Variants in ABCB5 observed in about 807,000 individuals in gnomAD.
ABCB5 encodes ATP-binding cassette sub-family B member 5.
In ABCB5, 155 loss-of-function variants were observed where a neutral mutation model predicts 144.2. The ratio of observed to expected loss-of-function variants is 1.08; its 90% CI spans 0.94 to 1.23. The LOEUF is 1.23. ABCB5 is among the 50% of genes most tolerant of loss of function. The pLI is 0.00. For synonymous variants in ABCB5, 610 were observed against 528.6 expected, an observed-to-expected ratio of 1.15 and a Z score of -2.11; for missense variants, 1,830 against 1,520.8, an observed-to-expected ratio of 1.20 and a Z score of -3.38.
intron 13 of ABCB5, among the ~76,000 whole-genome samples, chr7:20,653,435 C>T (rs977925960): frequency 6.6e-6 from 1 of 152,104 alleles, no homozygotes; most frequent in Admixed American, 6.5e-5. Context: ...ACATTACTTC[C>T]CTTATAATAT....
intron 16 of ABCB5, among the ~76,000 whole-genome samples, chr7:20,694,756 T>C (rs1271823601): frequency 2.0e-5 from 3 of 152,026 alleles, no homozygotes; most frequent in Non-Finnish European, 4.4e-5. Flanking sequence ...GGTTGTAGAA[T>C]ATGTGACAAT....
intron 26 of ABCB5, among the ~76,000 whole-genome samples, chr7:20,747,813 C>A (rs190366156): frequency 6.6e-6 from 1 of 152,120 alleles, no homozygotes; most frequent in African/African-American, 2.4e-5. Flanking sequence ...AAACCTGATA[C>A]CAAAATAAAA....
chr7:20,621,506 G>T (rs958538357), intron 1 of ABCB5, among the ~76,000 whole-genome samples: 8 of 152,070 alleles, frequency 5.3e-5, no homozygotes, highest in African/African-American at 1.2e-4. Flanking sequence ...CTACGGTCTA[G>T]AGTAAAGAAT....
intron 1 of ABCB5, among the ~76,000 whole-genome samples, chr7:20,622,360 T>C (rs902565679): frequency 4.6e-5 from 7 of 152,172 alleles, no homozygotes; most frequent in Non-Finnish European, 7.4e-5. Context: ...GTATGACCAT[T>C]TACTTCTGTA....
intron 10 of ABCB5, 32 bp downstream of exon 10, chr7:20,647,680 A>G (rs1784450960): frequency 9.7e-6 from 15 of 1,541,952 alleles, no homozygotes; most frequent in Non-Finnish European, 1.2e-5. Flanking sequence ...AAGAATAACT[A>G]TCATTACTGC....
At chr7:20,652,753 T>C (rs1026526713) in intron 13 of ABCB5, among the ~76,000 whole-genome samples, 1 of 152,212 alleles carries the variant, frequency 6.6e-6, no homozygotes, top group Non-Finnish European at 1.5e-5. Context: ...TATTAGATCC[T>C]CAGCATCCCC....
At position 20,623,248 on chromosome 7, in the gene ABCB5, T is replaced by C. The variant is rs1431599269; in HGVS notation, c.-21-17T>C. 23 of 1,399,282 alleles carry C rather than the reference T, an allele frequency of 1.6e-5. No homozygotes were observed. The highest frequency in any genetic ancestry group is 2.2e-5 in the Non-Finnish European group (22 of 1,009,374). 86.7% of individuals were successfully genotyped at this position (1,399,282 alleles called of 1,614,324 possible). On this transcript the variant is annotated splice_polypyrimidine_tract_variant and intron_variant, in intron 1 of 27. Transcript: ENST00000404938. ...AAGTCACATAGCCATAATACATTTG[T>C]TAAAATTGTATTTCAGAAGAAGTAA...
chr7:20,643,633 G>T lies in ABCB5; in HGVS notation c.678+1G>T. The T allele has an allele frequency of 1.9e-6, 3 of 1,613,730 alleles. No homozygotes were observed. Among genetic ancestry groups the T allele is most frequent in the South Asian group, 1.1e-5 (1 of 91,074 alleles). The stretch of plus-strand genomic sequence containing the variant: ...GGCTTCAGCGGCAGCATGTTCTAGG[G>T]TAAGTGAGATGGCTAATGCAATATT... On this transcript the variant is annotated splice_donor_variant, in intron 7 of 27. Coordinates refer to ENST00000404938, the MANE Select transcript of ABCB5 (RefSeq NM_001163941.2). LOFTEE classifies it high-confidence loss of function.
chr7:20,692,786 G>C (rs148150331), intron 16 of ABCB5, among the ~76,000 whole-genome samples: 1 of 152,046 alleles, frequency 6.6e-6, no homozygotes, highest in African/African-American at 2.4e-5. Flanking sequence ...ATTGTCTGAA[G>C]GTAGATTGTG....
intron 11 of ABCB5, among the ~76,000 whole-genome samples, chr7:20,648,525 C>T (rs958688200): frequency 1.9e-4 from 29 of 152,220 alleles, no homozygotes; most frequent in East Asian, 1.9e-4. Context: ...TTTACACACA[C>T]GCACACACAC....
intron 19 of ABCB5, among the ~76,000 whole-genome samples, chr7:20,704,514 G>A (rs1786751774): frequency 6.6e-6 from 1 of 152,222 alleles, no homozygotes; most frequent in Non-Finnish European, 1.5e-5. Context: ...ATGAGTCCAA[G>A]CTCTTGGGCT....
chr7:20,643,672 A>T (rs1351527876), intron 7 of ABCB5, 40 bp downstream of exon 7: 1 of 1,604,624 alleles, frequency 6.2e-7, no homozygotes, highest in East Asian at 2.2e-5. Context: ...TGGAAGCAGC[A>T]GTGTGGACTA....
intron 14 of ABCB5, among the ~76,000 whole-genome samples, chr7:20,676,265 T>G (rs1785604260): frequency 6.7e-6 from 1 of 149,718 alleles, no homozygotes; most frequent in Non-Finnish European, 1.5e-5. Flanking sequence ...TCAAAAGAAC[T>G]GAAGTCAGTA....
intron 16 of ABCB5, among the ~76,000 whole-genome samples, chr7:20,686,817 C>T (rs908780622): frequency 6.6e-6 from 1 of 152,114 alleles, no homozygotes; most frequent in Non-Finnish European, 1.5e-5. Flanking sequence ...ATTGAATCTC[C>T]TCTTAGCCCG....
At chr7:20,643,703 CA>C in intron 7 of ABCB5, 71 bp downstream of exon 7, 1 of 1,540,030 alleles carries the variant, frequency 6.5e-7, no homozygotes, top group Middle Eastern at 1.9e-4. Context: ...TGAGTTTGTT[CA>C]AAAATGGCTT....
chr7:20,724,569 C>G (rs1781975459), intron 21 of ABCB5, among the ~76,000 whole-genome samples: 1 of 140,864 alleles, frequency 7.1e-6, no homozygotes. Context: ...GTGGAGGTTG[C>G]AGTGAGCTGA....
chr7:20,721,368 A>G (rs1276537252), intron 20 of ABCB5, among the ~76,000 whole-genome samples: 1 of 152,184 alleles, frequency 6.6e-6, no homozygotes, highest in Non-Finnish European at 1.5e-5. Flanking sequence ...ATCTCTTTGC[A>G]TTGTTATGAG....
chr7:20,658,281 T>C (rs1385936533), intron 13 of ABCB5, among the ~76,000 whole-genome samples: 1 of 152,044 alleles, frequency 6.6e-6, no homozygotes, highest in Non-Finnish European at 1.5e-5. Flanking sequence ...GTCTAATTTA[T>C]TTTAGTCCTA....
intron 16 of ABCB5, among the ~76,000 whole-genome samples, chr7:20,686,896 A>C (rs969658483): frequency 2.6e-5 from 4 of 152,248 alleles, no homozygotes; most frequent in East Asian, 1.9e-4. Flanking sequence ...TATCTGCCCC[A>C]AAACCCCTCT....
Sources: gnomAD v4.1 joint callset for allele counts (sites outside exome capture counted in the v4.1 genomes callset) on GRCh38, gnomAD v4.1.1 for gene constraint, MANE v1.5 for transcripts, NCBI Gene and HGNC (gene_info 2026-07-23, HGNC 2026-07-21) for gene names.